The following DNMT3A variants were observed in gnomAD, a reference collection of about 807,000 sequenced individuals.
DNMT3A encodes DNA (cytosine-5)-methyltransferase 3A.
Under a neutral mutation model 117.6 loss-of-function variants are expected in DNMT3A, and 267 were observed. The observed-to-expected ratio is 2.27, with a 90% CI of 2.05 to 2.51. The LOEUF (loss-of-function observed/expected upper bound fraction) is 2.51, where lower values mean the gene tolerates loss of function less well. Ranked by LOEUF, DNMT3A falls within the 30% of genes most tolerant of loss-of-function variation. The pLI is 0.00. For missense variants in DNMT3A, 1,029 were observed against 1,260.2 expected (o/e 0.82, Z 2.78); for synonymous variants, 432 against 474.8 (o/e 0.91, Z 1.17).
rs1002306510 is a variant in DNMT3A, at chr2:25,306,229, G to A, written c.73-5986C>T. 6.6e-6 allele frequency among the ~76,000 whole-genome samples: 1 copy of A among 152,212 alleles called. No homozygotes were observed. Among genetic ancestry groups the A allele is most frequent in the Admixed American group, 6.5e-5 (1 of 15,292 alleles). On this transcript the variant is annotated intron_variant, in intron 2 of 22. Coordinates refer to ENST00000321117, the MANE Select transcript of DNMT3A (RefSeq NM_022552.5). The surrounding 1 kb of genome is among the most constrained non-coding windows in gnomAD (Gnocchi z 4.1). ...CACACACCCGTGCCCAGGCCAACCT[G>A]CAGAGGCTGATCCCAGCGTGAGGGG... is the stretch of plus-strand genomic sequence containing the variant.
intron 6 of DNMT3A, among the ~76,000 whole-genome samples, chr2:25,264,259 C>A (rs2030019827): frequency 6.7e-6 from 1 of 149,356 alleles, no homozygotes; most frequent in African/African-American, 2.5e-5. Flanking sequence ...TGTGCCTCAG[C>A]CTTCCAAGTA....
chr2:25,337,775 T>C lies in DNMT3A; in HGVS notation c.-178+4051A>G, dbSNP rs541955257. On this transcript the variant is annotated intron_variant, in intron 1 of 22. Coordinates refer to ENST00000321117, the MANE Select transcript of DNMT3A (RefSeq NM_022552.5). The surrounding 1 kb of genome is among the most constrained non-coding windows in gnomAD (Gnocchi z 5.0). The stretch of plus-strand genomic sequence containing the variant: ...TGGATCTCAGATTTGGTCATGTTCT[T>C]AGGGAAAAATCGTCAGAGAGAAATG... Among the ~76,000 whole-genome samples the C allele has an allele frequency of 2.6e-4, 39 of 152,244 alleles. No individual in the cohort carries two copies. Among genetic ancestry groups the C allele is most frequent in the Admixed American group, 1.2e-3 (19 of 15,296 alleles).
In DNMT3A at chr2:25,235,692, G is replaced by C. The variant is rs776019404; in HGVS notation, c.2597+15C>G. 14 of 1,606,134 alleles carry C rather than the reference G, an allele frequency of 8.7e-6. No individual in the cohort carries two copies. In the South Asian group the frequency reaches 1.4e-4, roughly 16 times the overall value. On this transcript the variant is annotated intron_variant, in intron 22 of 22. Transcript: ENST00000321117. ...ACAGCCACACCGCAGCCAGATGCCA[G>C]CACAACCCGGGTACCTTTCCATTTC...
chr2:25,336,517 A>T (rs901445546), intron 1 of DNMT3A, among the ~76,000 whole-genome samples: 1 of 152,118 alleles, frequency 6.6e-6, no homozygotes, highest in Non-Finnish European at 1.5e-5. Flanking sequence ...AGTGTAATTT[A>T]AACCCTGTTC....
At chr2:25,333,847 C>T (rs528382642) in intron 1 of DNMT3A, among the ~76,000 whole-genome samples, 3 of 152,208 alleles carry the variant, frequency 2.0e-5, no homozygotes, top group Admixed American at 6.5e-5. Flanking sequence ...TTCTTATCCC[C>T]GATTTACAGA....
At position 25,304,808 on chromosome 2, in the gene DNMT3A, T is replaced by A. The variant is rs1407304769; in HGVS notation, c.73-4565A>T. ...TCAGCCCCTAGGCATAGACTGTTCT[T>A]CTGACCACACCACCTTCCCCTCAGG... On this transcript the variant is annotated intron_variant, in intron 2 of 22. Transcript: ENST00000321117. This position sits in a 1 kb window ranked among gnomAD's most constrained non-coding sequence, Gnocchi z 4.3. Among the ~76,000 whole-genome samples the A allele has an allele frequency of 2.0e-5, 3 of 152,242 alleles. No homozygotes were observed.
At position 25,252,317 on chromosome 2, in the gene DNMT3A, GCCACT is replaced by G; in HGVS notation, c.640-4070_640-4066del. On this transcript the variant is annotated intron_variant, in intron 6 of 22. Coordinates refer to ENST00000321117, the MANE Select transcript of DNMT3A (RefSeq NM_022552.5). This position sits in a 1 kb window ranked among gnomAD's most constrained non-coding sequence, Gnocchi z 5.5. ...GGCGATGGGGCTGGGGGCGGAGGGG[GCCACT>G]GGGAGGGGAGGGGGGCGGCGGGGGG... is the stretch of plus-strand genomic sequence containing the variant. 1 of 232,506 alleles carries G rather than the reference GCCACT, an allele frequency of 4.3e-6. No individual in the cohort carries two copies. Among genetic ancestry groups the G allele is most frequent in the South Asian group, 4.0e-5 (1 of 24,746 alleles). The allele number at this position is 232,506 out of a possible 1,614,324, so 14.4% of individuals were successfully genotyped here. A position where few individuals can be genotyped will look rare whatever the true frequency, so the allele number is the denominator to read the frequency against.
rs974957627 is a variant in DNMT3A at position 25,229,376 on chromosome 2, T to A, written c.*4903A>T. ...CTCCAGACCATTCCTCCACTACACCTTTTCCACCCCCGGGATTGGGAGCGG... is the reference window on the plus strand; with the variant it reads ...CTCCAGACCATTCCTCCACTACACCATTTCCACCCCCGGGATTGGGAGCGG... On this transcript the variant is annotated 3_prime_UTR_variant, in exon 23 of 23. Coordinates refer to ENST00000321117, the MANE Select transcript of DNMT3A (RefSeq NM_022552.5). The A allele has an allele frequency of 1.3e-5, 2 of 152,104 alleles. No individual in the cohort carries two copies. Among genetic ancestry groups the A allele is most frequent in the Non-Finnish European group, 2.9e-5 (2 of 68,042 alleles). The allele number at this position is 152,104 out of a possible 1,614,324, so 9.4% of individuals were successfully genotyped here.
chr2:25,289,618 C>T (rs1009101491), intron 3 of DNMT3A, among the ~76,000 whole-genome samples: 9 of 152,156 alleles, frequency 5.9e-5, no homozygotes, highest in Non-Finnish European at 1.2e-4. Flanking sequence ...ATTTGAAGGC[C>T]GACTCCCGCT....
Position 25,244,639 on chromosome 2 carries a change from T to TC in DNMT3A, c.1567dup (p.Glu523GlyfsTer23), listed in dbSNP as rs1444645444. 1 of 1,613,988 alleles carries TC rather than the reference T, an allele frequency of 6.2e-7. No homozygotes were observed. Among genetic ancestry groups the TC allele is most frequent in the Non-Finnish European group, 8.5e-7 (1 of 1,179,972 alleles). The stretch of plus-strand genomic sequence containing the variant: ...GTCGTCGTCGTACTGGTACGCACAC[T>TC]CCAGAAAGCAGTTCTAGACAGCAGC... On this transcript the variant is annotated frameshift_variant, in exon 14 of 23. Transcript: ENST00000321117. LOFTEE classifies it high-confidence loss of function.
intron 16 of DNMT3A, among the ~76,000 whole-genome samples, chr2:25,242,514 A>C (rs1020783999): frequency 3.9e-5 from 6 of 152,186 alleles, no homozygotes; most frequent in Non-Finnish European, 7.4e-5. Context: ...TCAAGGTTCC[A>C]GTCTGGGATA....
intron 2 of DNMT3A, among the ~76,000 whole-genome samples, chr2:25,307,459 C>CT (rs35144977): frequency 0.26 from 20,955 of 79,120 alleles, 4,189 homozygotes; most frequent in Non-Finnish European, 0.33. Flanking sequence ...CACACCGCAG[C>CT]TTTTTTTTTT....
chr2:25,246,762 G>T lies in DNMT3A; in HGVS notation c.1137C>A (p.Arg379=), dbSNP rs556289655. The change falls in exon 10 of 23, where the codon CGC becomes CGA. Residue 379 remains arginine, a synonymous_variant. Transcript: ENST00000321117. ...GGCACACCGGGAACAGCTTCCCCGC[G>T]CGGCTGCTGGCCACCTGGAGGGTGA... ...IYEVLQVASS[R]AGKLFPVCHD... 7.4e-6 allele frequency: 12 copies of T among 1,613,368 alleles called. No individual in the cohort carries two copies. Among genetic ancestry groups the T allele is most frequent in the Non-Finnish European group, 1.0e-5 (12 of 1,180,000 alleles).
rs1007623394 is a variant in DNMT3A, at chr2:25,305,842, G to A, written c.73-5599C>T. Among the ~76,000 whole-genome samples, 2 of 152,194 alleles carry A rather than the reference G, an allele frequency of 1.3e-5. No individual in the cohort carries two copies. Among genetic ancestry groups the A allele is most frequent in the African/African-American group, 4.8e-5 (2 of 41,446 alleles). ...CCCACAAGAGATTTATGTCTCTTGA[G>A]GCCCTCACCTAGAGACAGCCAGCCT... On this transcript the variant is annotated intron_variant, in intron 2 of 22. Coordinates refer to ENST00000321117, the MANE Select transcript of DNMT3A (RefSeq NM_022552.5). This position sits in a 1 kb window ranked among gnomAD's most constrained non-coding sequence, Gnocchi z 4.1.
intron 3 of DNMT3A, among the ~76,000 whole-genome samples, chr2:25,287,379 C>T: frequency 6.6e-6 from 1 of 152,120 alleles, no homozygotes; most frequent in East Asian, 1.9e-4. Flanking sequence ...TTCAGTACAG[C>T]TTGGTCCTAT....
At chr2:25,246,353 G>A in intron 10 of DNMT3A, 44 bp from the exon 11 acceptor site, 2 of 1,561,068 alleles carry the variant, frequency 1.3e-6, no homozygotes, top group African/African-American at 1.4e-5. Context: ...CAGGCTGACA[G>A]GAAACTCCAG....
intron 2 of DNMT3A, among the ~76,000 whole-genome samples, chr2:25,310,117 T>C (rs1255653470): frequency 2.0e-5 from 3 of 152,182 alleles, no homozygotes; most frequent in African/African-American, 4.8e-5. Flanking sequence ...CGGCGTTCAA[T>C]GCATCTTAGC....
At chr2:25,290,883 C>T (rs2032709046) in intron 3 of DNMT3A, among the ~76,000 whole-genome samples, 1 of 152,178 alleles carries the variant, frequency 6.6e-6, no homozygotes, top group African/African-American at 2.4e-5. Context: ...CCTTCTCCCC[C>T]AAAGCCCAGC....
In DNMT3A at chr2:25,233,545, CT is replaced by C. The variant is rs1288072649; in HGVS notation, c.*733del. ...AGAAACTGATTTTCTTCAAGGTTTC[CT>C]GTGTGGTAGGCACCTGAAATACTGT... On this transcript the variant is annotated 3_prime_UTR_variant, in exon 23 of 23. Coordinates refer to ENST00000321117, the MANE Select transcript of DNMT3A (RefSeq NM_022552.5). 8.6e-6 allele frequency: 2 copies of C among 233,176 alleles called. No individual in the cohort carries two copies. The highest frequency in any genetic ancestry group is 1.7e-5 in the Non-Finnish European group (2 of 117,938). The allele number at this position is 233,176 out of a possible 1,614,324, so 14.4% of individuals were successfully genotyped here.
Sources: gnomAD v4.1 joint callset for allele counts (sites outside exome capture counted in the v4.1 genomes callset) on GRCh38, gnomAD v4.1.1 for gene constraint, Gnocchi (gnomAD v3.1) non-coding constraint, MANE v1.5 for transcripts, NCBI Gene and HGNC (gene_info 2026-07-23, HGNC 2026-07-21) for gene names.